PPP2R2D: variants seen among roughly 807,000 people sequenced by gnomAD.
The protein encoded by PPP2R2D is serine/threonine-protein phosphatase 2A 55 kDa regulatory subunit B delta isoform.
PPP2R2D carries 9 observed loss-of-function variants against 31.1 expected under a neutral mutation model. The observed-to-expected ratio is 0.29, with a 90% CI of 0.17 to 0.51. The LOEUF is 0.51. Ranked by LOEUF, PPP2R2D falls within the 20% of genes least tolerant of loss-of-function variation. The pLI is 0.98. For missense variants in PPP2R2D, 391 were observed against 465.6 expected, an observed-to-expected ratio of 0.84 and a Z score of 1.48; for synonymous variants, 179 against 172.6, an observed-to-expected ratio of 1.04 and a Z score of -0.29.
At chr10:131,903,486 A>G (rs2035534901) in intron 2 of PPP2R2D, among the ~76,000 whole-genome samples, 1 of 151,962 alleles carries the variant, frequency 6.6e-6, no homozygotes, top group African/African-American at 2.4e-5. Flanking sequence ...AAAAAAAAAA[A>G]AAAATCTTGA....
Position 131,926,119 on chromosome 10 carries a change from G to T in PPP2R2D, c.101-8339G>T, listed in dbSNP as rs116711865. Among the ~76,000 whole-genome samples, 1,146 of 152,258 alleles carry T rather than the reference G, an allele frequency of 7.5e-3. 18 individuals carry two copies. The highest frequency in any genetic ancestry group is 0.026 in the African/African-American group (1,074 of 41,532). On this transcript the variant is annotated intron_variant, in intron 2 of 8. Coordinates refer to ENST00000455566, the MANE Select transcript of PPP2R2D (RefSeq NM_018461.5). ...CCTGTTTGCCTGTGTATTGCATTTG[G>T]CTGTCTCCTGCCTCTATCAGTAATT...
rs577400513 is a variant in PPP2R2D at position 131,958,707 on chromosome 10, G to C, written c.*2744G>C. The C allele has an allele frequency of 7.5e-6, 2 of 266,224 alleles. No individual in the cohort carries two copies. Among genetic ancestry groups the C allele is most frequent in the African/African-American group, 4.8e-5 (2 of 41,700 alleles). 16.5% of individuals were successfully genotyped at this position (266,224 alleles called of 1,614,324 possible). ...CCCCCGTCCTCCTGTGGAGATGAAG[G>C]TGTGTGCTGCTTCCTCGTGCCCCTG... is the stretch of plus-strand genomic sequence containing the variant. On this transcript the variant is annotated 3_prime_UTR_variant, in exon 9 of 9. Coordinates refer to ENST00000455566, the MANE Select transcript of PPP2R2D (RefSeq NM_018461.5).
chr10:131,970,583 C>T, the PPP2R2D span: 2 of 1,588,216 alleles, frequency 1.3e-6, no homozygotes, highest in African/African-American at 1.3e-5. This position sits in a 1 kb window ranked among gnomAD's most constrained non-coding sequence, Gnocchi z 4.1. Flanking sequence ...ATCACTGCAA[C>T]CCAGAATCGC....
intron 7 of PPP2R2D, among the ~76,000 whole-genome samples, chr10:131,946,495 C>T (rs2036544235): frequency 6.6e-6 from 1 of 152,170 alleles, no homozygotes; most frequent in South Asian, 2.1e-4. Context: ...AGCCTTTTCG[C>T]CTGTTCTCTT....
intron 8 of PPP2R2D, 38 bp from the exon 9 acceptor site, chr10:131,955,646 C>G (rs781865044): frequency 2.9e-6 from 4 of 1,367,472 alleles, no homozygotes; most frequent in Non-Finnish European, 3.8e-6. Flanking sequence ...CCGCTCCCCC[C>G]ACTGAGGAGT....
intron 2 of PPP2R2D, among the ~76,000 whole-genome samples, chr10:131,905,477 C>G (rs1390718856): frequency 6.6e-6 from 1 of 152,198 alleles, no homozygotes; most frequent in Non-Finnish European, 1.5e-5. Flanking sequence ...TTGCTTCTCT[C>G]TCTGGTAGAC....
At chr10:131,938,726 C>T (rs1390899083) in intron 3 of PPP2R2D, among the ~76,000 whole-genome samples, 2 of 152,252 alleles carry the variant, frequency 1.3e-5, no homozygotes, top group African/African-American at 4.8e-5. Context: ...GTGCGGTTGT[C>T]TGTGCTGGCT....
intron 8 of PPP2R2D, among the ~76,000 whole-genome samples, chr10:131,950,813 C>T (rs9419220): frequency 0.016 from 2,386 of 152,198 alleles, 70 homozygotes; most frequent in African/African-American, 0.054. Context: ...AATAAATAAG[C>T]TCTGAGTGTT....
intron 8 of PPP2R2D, among the ~76,000 whole-genome samples, chr10:131,953,935 C>T (rs149692797): frequency 6.6e-6 from 1 of 152,300 alleles, no homozygotes; most frequent in East Asian, 1.9e-4. Flanking sequence ...AGTCCATTCA[C>T]TCTCAAAAAC....
chr10:131,908,266 C>G (rs2035629120), intron 2 of PPP2R2D, among the ~76,000 whole-genome samples: 1 of 152,188 alleles, frequency 6.6e-6, no homozygotes, highest in African/African-American at 2.4e-5. Context: ...ATCCCTTGAT[C>G]TTTGCTCCTG....
Position 131,944,132 on chromosome 10 carries a change from A to G in PPP2R2D, c.642A>G (p.Thr214=), listed in dbSNP as rs2036492945. The change falls in exon 6 of 9, where the codon ACA becomes ACG. Residue 214 remains threonine (T), a synonymous_variant. Coordinates refer to ENST00000455566, the MANE Select transcript of PPP2R2D (RefSeq NM_018461.5). ...TTAATTTATGGCACTTAGAAATCACAGATAGAAGCTTTAGTATCCTTCCTC... is the reference window on the plus strand; with the variant it reads ...TTAATTTATGGCACTTAGAAATCACGGATAGAAGCTTTAGTATCCTTCCTC... ...LRINLWHLEI[T]DRSFNIVDIK... 2 of 1,611,704 alleles carry G rather than the reference A, an allele frequency of 1.2e-6. No individual in the cohort carries two copies. Among genetic ancestry groups the G allele is most frequent in the African/African-American group, 1.3e-5 (1 of 74,944 alleles).
At chr10:131,961,953 T>G (rs2036926127), downstream of PPP2R2D, among the ~76,000 whole-genome samples, 1 of 152,100 alleles carries the variant, frequency 6.6e-6, no homozygotes, top group African/African-American at 2.4e-5. Context: ...AACACACCCC[T>G]GTGCCAGTCA....
At chr10:131,912,515 A>G (rs1315500925) in intron 2 of PPP2R2D, 1 of 152,158 alleles carries the variant, frequency 6.6e-6, no homozygotes, top group Non-Finnish European at 1.5e-5. Flanking sequence ...TTAAGAGTCT[A>G]TAATTGGAGA....
chr10:131,966,553 C>G, the PPP2R2D span: 1 of 152,234 alleles, frequency 6.6e-6, no homozygotes, highest in African/African-American at 2.4e-5. Flanking sequence ...GTCTAAAGCA[C>G]TCCAGTCCCA....
rs1301390393 is a variant in PPP2R2D, at chr10:131,956,176, T to C, written c.*213T>C. 8.1e-7 allele frequency: 1 copy of C among 1,228,522 alleles called. No individual in the cohort carries two copies. Among genetic ancestry groups the C allele is most frequent in the Non-Finnish European group, 1.0e-6 (1 of 986,094 alleles). The allele number at this position is 1,228,522 out of a possible 1,614,324, so 76.1% of individuals were successfully genotyped here. A position where few individuals can be genotyped will look rare whatever the true frequency, so the allele number is the denominator to read the frequency against. ...GGCGCTGCTGCTCACGTGGAGACGC[T>C]CTCGAAGCAGAGTTGACGGACACTG... is the stretch of plus-strand genomic sequence containing the variant. On this transcript the variant is annotated 3_prime_UTR_variant, in exon 9 of 9. Coordinates refer to ENST00000455566, the MANE Select transcript of PPP2R2D (RefSeq NM_018461.5).
Position 131,945,379 on chromosome 10 carries a change from T to C in PPP2R2D, c.740T>C (p.Val247Ala). 1 of 1,614,190 alleles carries C rather than the reference T, an allele frequency of 6.2e-7. No individual in the cohort carries two copies. Among genetic ancestry groups the C allele is most frequent in the Non-Finnish European group, 8.5e-7 (1 of 1,180,028 alleles). ...GAGTTCCACCCGCACCAGTGCAACGTGTTCGTCTACAGCAGTAGCAAAGGG... is the reference window on the plus strand; with the variant it reads ...GAGTTCCACCCGCACCAGTGCAACGCGTTCGTCTACAGCAGTAGCAAAGGG... ...AAEFHPHQCNVFVYSSSKGTI... is the reference protein window; with the variant it reads ...AAEFHPHQCNAFVYSSSKGTI... The change falls in exon 7 of 9, where the codon GTG becomes GCG. Residue 247 changes from valine (V) to alanine (A), a missense_variant. By Grantham distance (64) the Val-to-Ala change is moderately conservative. Coordinates refer to ENST00000455566, the MANE Select transcript of PPP2R2D (RefSeq NM_018461.5). The surrounding 1 kb of genome is among the most constrained non-coding windows in gnomAD (Gnocchi z 4.8).
chr10:131,919,469 G>A (rs528556755), intron 2 of PPP2R2D, among the ~76,000 whole-genome samples: 9 of 128,584 alleles, frequency 7.0e-5, no homozygotes, highest in Admixed American at 1.6e-4. Context: ...GGGATCTCGC[G>A]TGGGTGGAAT....
intron 2 of PPP2R2D, among the ~76,000 whole-genome samples, chr10:131,918,334 T>G (rs7079685): frequency 0.11 from 13,314 of 120,308 alleles, 756 homozygotes; most frequent in Non-Finnish European, 0.16. Flanking sequence ...GACACAGTGT[T>G]TGTAGGGACC....
chr10:131,961,853 T>C (rs542625071), downstream of PPP2R2D, among the ~76,000 whole-genome samples: 3 of 151,964 alleles, frequency 2.0e-5, no homozygotes, highest in African/African-American at 7.2e-5. Context: ...TACATTATCT[T>C]AAGGACTGAC....
Sources: allele counts gnomAD v4.1 joint callset (sites outside exome capture counted in the v4.1 genomes callset), GRCh38; gene constraint gnomAD v4.1.1; non-coding constraint Gnocchi (gnomAD v3.1); transcripts MANE v1.5; gene names NCBI Gene and HGNC (gene_info 2026-07-23, HGNC 2026-07-21).